The following TNIK variants were observed in gnomAD, a reference collection of about 807,000 sequenced individuals.
The protein encoded by TNIK is TRAF2 and NCK-interacting protein kinase.
A neutral mutation model predicts 191.3 loss-of-function variants in TNIK; 49 were observed. The ratio of observed to expected loss-of-function variants is 0.26; its 90% CI spans 0.20 to 0.32. TNIK has a LOEUF of 0.32. TNIK is among the 10% of genes least tolerant of loss of function. The probability of loss-of-function intolerance (pLI) is 1.00; values close to 1 mark genes in which losing one functional copy is unlikely to be tolerated. For synonymous variants in TNIK, 594 were observed against 600.9 expected (o/e 0.99, Z 0.17); for missense variants, 1,155 against 1,702.3 (o/e 0.68, Z 5.66).
At chr3:171,235,337 C>T (rs1744128960) in intron 2 of TNIK, among the ~76,000 whole-genome samples, 1 of 152,162 alleles carries the variant, frequency 6.6e-6, no homozygotes, top group African/African-American at 2.4e-5. Flanking sequence ...TCACCACGCC[C>T]AATCTCATCT....
intron 2 of TNIK, among the ~76,000 whole-genome samples, chr3:171,294,375 GA>G (rs1430681205): frequency 6.6e-6 from 1 of 152,138 alleles, no homozygotes; most frequent in African/African-American, 2.4e-5. Flanking sequence ...AGTGAGCTAT[GA>G]TCATGCCACT....
intron 2 of TNIK, among the ~76,000 whole-genome samples, chr3:171,356,184 G>T (rs576390924): frequency 5.3e-5 from 8 of 150,308 alleles, no homozygotes; most frequent in South Asian, 2.1e-4. Context: ...TTTTCTGGGG[G>T]GAAAAAAAAA....
At chr3:171,437,982 C>A (rs756645158) in intron 1 of TNIK, among the ~76,000 whole-genome samples, 15 of 152,180 alleles carry the variant, frequency 9.9e-5, no homozygotes, top group Non-Finnish European at 2.2e-4. Flanking sequence ...TTCCTGTTAG[C>A]CACTGGGGAA....
intron 1 of TNIK, among the ~76,000 whole-genome samples, chr3:171,403,253 A>G (rs772154222): frequency 6.6e-5 from 10 of 152,194 alleles, no homozygotes; most frequent in Non-Finnish European, 8.8e-5. Context: ...ACACCTGGGG[A>G]AGAGTGTAGA....
intron 12 of TNIK, among the ~76,000 whole-genome samples, chr3:171,150,418 C>A (rs1732281468): frequency 6.6e-6 from 1 of 152,174 alleles, no homozygotes; most frequent in South Asian, 2.1e-4. Context: ...CGTTCTCACC[C>A]TTTTGGTGAA....
chr3:171,189,858 A>G (rs1438330188), intron 6 of TNIK, among the ~76,000 whole-genome samples: 1 of 152,222 alleles, frequency 6.6e-6, no homozygotes, highest in East Asian at 1.9e-4. Context: ...TTTTTAAAAG[A>G]GAATATTCAT....
intron 14 of TNIK, among the ~76,000 whole-genome samples, chr3:171,138,899 A>G (rs1159373333): frequency 1.3e-5 from 2 of 152,236 alleles, no homozygotes; most frequent in African/African-American, 4.8e-5. Flanking sequence ...CATTAAATAA[A>G]AAGTTCAGTT....
At chr3:171,408,065 G>A (rs1028962101) in intron 1 of TNIK, among the ~76,000 whole-genome samples, 1 of 151,998 alleles carries the variant, frequency 6.6e-6, no homozygotes, top group African/African-American at 2.4e-5. Flanking sequence ...CAGTATAATG[G>A]GACTCATAAC....
chr3:171,144,371 G>A (rs1296518288), intron 12 of TNIK, among the ~76,000 whole-genome samples: 1 of 151,830 alleles, frequency 6.6e-6, no homozygotes. Flanking sequence ...GTTGATGTTC[G>A]CCAAGGATGA....
intron 16 of TNIK, among the ~76,000 whole-genome samples, chr3:171,128,307 T>A (rs944129861): frequency 2.6e-5 from 4 of 152,348 alleles, no homozygotes; most frequent in East Asian, 1.9e-4. Context: ...CCAAGTCTAT[T>A]TAATTTTTTC....
At chr3:171,084,419 T>C in intron 25 of TNIK, 94 bp from the exon 26 acceptor site, 1 of 1,435,938 alleles carries the variant, frequency 7.0e-7, no homozygotes, top group Non-Finnish European at 9.4e-7. Flanking sequence ...CTTGTTTGGT[T>C]TGAATTATAG....
intron 2 of TNIK, among the ~76,000 whole-genome samples, chr3:171,230,045 T>C (rs1165231525): frequency 6.6e-6 from 1 of 151,916 alleles, no homozygotes; most frequent in Non-Finnish European, 1.5e-5. Flanking sequence ...GGGCAGTGAG[T>C]GGGTATCAGC....
chr3:171,449,130 A>G (rs940557731), intron 1 of TNIK, among the ~76,000 whole-genome samples: 1 of 151,602 alleles, frequency 6.6e-6, no homozygotes, highest in Non-Finnish European at 1.5e-5. Flanking sequence ...TATGTGCCAC[A>G]TTTTCTTTAT....
chr3:171,066,764 T>C, intron 30 of TNIK, 29 bp from the exon 31 acceptor site: 1 of 1,599,192 alleles, frequency 6.3e-7, no homozygotes, highest in South Asian at 1.1e-5. Context: ...CCAAGCATTA[T>C]TCTTTTAAAA....
At chr3:171,454,222 A>G (rs2108738037) in intron 1 of TNIK, among the ~76,000 whole-genome samples, 1 of 152,292 alleles carries the variant, frequency 6.6e-6, no homozygotes, top group South Asian at 2.1e-4. Context: ...GGCGGCCATG[A>G]TTCAATCACA....
chr3:171,077,646 C>T (rs968453934), intron 28 of TNIK, among the ~76,000 whole-genome samples: 24 of 152,234 alleles, frequency 1.6e-4, no homozygotes, highest in African/African-American at 5.8e-4. Flanking sequence ...TCCTGGTTCT[C>T]AGGCCTTCAG....
rs114859918 is a variant in TNIK, at chr3:171,396,711, T to C, written c.58-27026A>G. ...CTATCTTCTAAGAATTGAAATTTTC[T>C]AGCAGTTAAAGAAAGCCAGTAGCAA... On this transcript the variant is annotated intron_variant, in intron 1 of 32. Transcript: ENST00000436636. Among the ~76,000 whole-genome samples, 1,006 of 152,352 alleles carry C rather than the reference T, an allele frequency of 6.6e-3. 8 individuals are homozygous for C. Among genetic ancestry groups the C allele is most frequent in the Non-Finnish European group, 9.8e-3 (668 of 68,026 alleles).
At chr3:171,210,384 A>G (rs1407492807) in intron 4 of TNIK, among the ~76,000 whole-genome samples, 1 of 152,208 alleles carries the variant, frequency 6.6e-6, no homozygotes, top group Non-Finnish European at 1.5e-5. Context: ...GAAACCAGGA[A>G]GGCTCCGCAC....
chr3:171,305,346 A>C (rs1753337373), intron 2 of TNIK, among the ~76,000 whole-genome samples: 1 of 151,962 alleles, frequency 6.6e-6, no homozygotes, highest in Non-Finnish European at 1.5e-5. Context: ...ATTGCAACAA[A>C]AGCAAAACTT....
Sources: gnomAD v4.1 joint callset for allele counts (sites outside exome capture counted in the v4.1 genomes callset) on GRCh38, gnomAD v4.1.1 for gene constraint, MANE v1.5 for transcripts, NCBI Gene and HGNC (gene_info 2026-07-23, HGNC 2026-07-21) for gene names.